EPHB2: variants seen among roughly 807,000 people sequenced by gnomAD.
EPHB2 encodes the protein ephrin type-B receptor 2.
A neutral mutation model predicts 96.4 loss-of-function variants in EPHB2; 18 were observed. The observed-to-expected ratio is 0.19, with a 90% confidence interval of 0.13 to 0.28. EPHB2 has a LOEUF of 0.28. EPHB2 is among the 10% of genes least tolerant of loss of function. The pLI is 1.00. For synonymous variants in EPHB2, 506 were observed against 534.1 expected (o/e 0.95, Z 0.72); for missense variants, 989 against 1,355.4 (o/e 0.73, Z 4.25).
intron 1 of EPHB2, among the ~76,000 whole-genome samples, chr1:22,753,933 G>A (rs908549211): frequency 6.6e-6 from 1 of 152,130 alleles, no homozygotes; most frequent in African/African-American, 2.4e-5. Flanking sequence ...GGGATTGCAG[G>A]GATGAGTCTT....
chr1:22,877,778 C>T (rs1638893650), intron 5 of EPHB2, among the ~76,000 whole-genome samples: 2 of 152,222 alleles, frequency 1.3e-5, no homozygotes, highest in South Asian at 4.1e-4. Flanking sequence ...AAGTCACTTT[C>T]TTTCTCTGGC....
At chr1:22,882,565 C>T in intron 6 of EPHB2, 82 bp downstream of exon 6, 1 of 1,597,044 alleles carries the variant, frequency 6.3e-7, no homozygotes, top group Non-Finnish European at 8.5e-7. Flanking sequence ...AGTTCTGCCC[C>T]ACCGCAAGAT....
intron 1 of EPHB2, among the ~76,000 whole-genome samples, chr1:22,734,582 C>A (rs370002453): frequency 6.6e-6 from 1 of 151,992 alleles, no homozygotes; most frequent in East Asian, 1.9e-4. Flanking sequence ...CCACTGCGCC[C>A]GACTAATTTT....
intron 1 of EPHB2, among the ~76,000 whole-genome samples, chr1:22,741,139 G>A (rs1037583813): frequency 3.3e-5 from 5 of 151,794 alleles, no homozygotes; most frequent in African/African-American, 1.2e-4. Context: ...CCCGACCCCT[G>A]TTCTCTGATT....
At chr1:22,788,980 C>T (rs1199169690) in intron 3 of EPHB2, among the ~76,000 whole-genome samples, 1 of 152,092 alleles carries the variant, frequency 6.6e-6, no homozygotes, top group African/African-American at 2.4e-5. Context: ...GTCTCGAACT[C>T]CTGGACTCAA....
At position 22,804,353 on chromosome 1, in the gene EPHB2, A is replaced by T. The variant is rs1644893671; in HGVS notation, c.811+19277A>T. On this transcript the variant is annotated intron_variant, in intron 3 of 15. Transcript: ENST00000374630. ...CCTTACCTAGTGCCTTTAAGGAAAAAATCTGCACCACCCCCCATCCTGCCA... is the reference window on the plus strand; with the variant it reads ...CCTTACCTAGTGCCTTTAAGGAAAATATCTGCACCACCCCCCATCCTGCCA... Among the ~76,000 whole-genome samples, 3 of 152,130 alleles carry T rather than the reference A, an allele frequency of 2.0e-5. No individual in the cohort carries two copies. The South Asian group carries it at 6.2e-4, about 32-fold the overall frequency.
intron 1 of EPHB2, among the ~76,000 whole-genome samples, chr1:22,754,054 T>G (rs1644105936): frequency 6.6e-6 from 1 of 152,160 alleles, no homozygotes; most frequent in Non-Finnish European, 1.5e-5. Flanking sequence ...CAGGCCGCTG[T>G]AAGGACCCCA....
intron 3 of EPHB2, among the ~76,000 whole-genome samples, chr1:22,823,522 T>C (rs1213781782): frequency 2.0e-5 from 3 of 152,294 alleles, no homozygotes; most frequent in East Asian, 1.9e-4. Flanking sequence ...GTAATAACTT[T>C]CATCAGATTG....
intron 1 of EPHB2, among the ~76,000 whole-genome samples, chr1:22,765,754 G>A (rs866897655): frequency 6.6e-6 from 1 of 152,002 alleles, no homozygotes; most frequent in African/African-American, 2.4e-5. Flanking sequence ...TGCATTGGGT[G>A]CAGAGATTGC....
chr1:22,758,578 G>A (rs909727352), intron 1 of EPHB2, among the ~76,000 whole-genome samples: 1 of 152,072 alleles, frequency 6.6e-6, no homozygotes, highest in Non-Finnish European at 1.5e-5. Context: ...CGCCTGAGCT[G>A]TGATCCAAAG....
intron 1 of EPHB2, among the ~76,000 whole-genome samples, chr1:22,744,429 GTATA>G (rs536230564): frequency 1.4e-5 from 2 of 147,750 alleles, no homozygotes; most frequent in South Asian, 2.1e-4. Context: ...TTTGTATGTT[GTATA>G]TATATATATG....
At chr1:22,855,675 A>G (rs1051652963) in intron 3 of EPHB2, among the ~76,000 whole-genome samples, 4 of 152,262 alleles carry the variant, frequency 2.6e-5, no homozygotes, top group Non-Finnish European at 4.4e-5. Flanking sequence ...ATAAATGAAT[A>G]TAATAATAGC....
Position 22,814,765 on chromosome 1 carries a change from C to T in EPHB2, c.811+29689C>T, listed in dbSNP as rs573411422. ...GGGGAAGAAGCATGGGCTCCGAGCC[C>T]AGTGGCCCAGGAGCTATGTTCTCAC... On this transcript the variant is annotated intron_variant, in intron 3 of 15. Transcript: ENST00000374630. 1.1e-4 allele frequency among the ~76,000 whole-genome samples: 16 copies of T among 152,288 alleles called. 1 individual carries two copies. The highest frequency in any genetic ancestry group is 3.8e-4 in the African/African-American group (16 of 41,564).
intron 1 of EPHB2, among the ~76,000 whole-genome samples, chr1:22,713,523 G>T (rs1262256179): frequency 6.6e-6 from 1 of 152,190 alleles, no homozygotes; most frequent in Admixed American, 6.5e-5. Flanking sequence ...CAGATGATGG[G>T]TGGGAGAAGT....
chr1:22,896,239 G>T (rs1639557305), intron 8 of EPHB2, among the ~76,000 whole-genome samples, 175 bp from the exon 9 acceptor site: 1 of 152,176 alleles, frequency 6.6e-6, no homozygotes, highest in Non-Finnish European at 1.5e-5. Flanking sequence ...TGAGAACCTG[G>T]ACTTGAGGTG....
chr1:22,764,135 G>C (rs1052006120), intron 1 of EPHB2, among the ~76,000 whole-genome samples: 3 of 152,198 alleles, frequency 2.0e-5, no homozygotes, highest in African/African-American at 7.2e-5. Context: ...TCTCTTGGGG[G>C]ACATTATTCT....
intron 3 of EPHB2, among the ~76,000 whole-genome samples, chr1:22,820,804 C>A (rs1645142607): frequency 6.6e-6 from 1 of 152,198 alleles, no homozygotes; most frequent in Non-Finnish European, 1.5e-5. Context: ...GTTATTATAA[C>A]CATTTCACAG....
intron 1 of EPHB2, among the ~76,000 whole-genome samples, chr1:22,721,449 G>A (rs527919967): frequency 3.0e-4 from 46 of 152,240 alleles, no homozygotes; most frequent in African/African-American, 1.0e-3. Flanking sequence ...GAGCTGGCCT[G>A]CGTTGTGAAT....
rs987134510 is a variant in EPHB2, at chr1:22,914,141, A to C, written c.*571A>C. ...AATCTATTCCTGCCACCACTGGGCA[A>C]ACAGAAGAATTTTTCTGTCTTTGGA... is the stretch of plus-strand genomic sequence containing the variant. On this transcript the variant is annotated 3_prime_UTR_variant, in exon 16 of 16. Transcript: ENST00000374630. The C allele has an allele frequency of 3.3e-5, 14 of 428,494 alleles. No individual in the cohort carries two copies. The highest frequency in any genetic ancestry group is 5.8e-5 in the Non-Finnish European group (14 of 243,472). The allele number at this position is 428,494 out of a possible 1,614,324, so 26.5% of individuals were successfully genotyped here.
Sources: gnomAD v4.1 joint callset for allele counts (sites outside exome capture counted in the v4.1 genomes callset) on GRCh38, gnomAD v4.1.1 for gene constraint, MANE v1.5 for transcripts, NCBI Gene and HGNC (gene_info 2026-07-23, HGNC 2026-07-21) for gene names.